The following DCDC2B variants were observed in gnomAD, a reference collection of about 807,000 sequenced individuals.
The protein encoded by DCDC2B is doublecortin domain-containing protein 2B.
A neutral mutation model predicts 38.9 loss-of-function variants in DCDC2B; 41 were observed. The observed-to-expected ratio is 1.05, with a 90% CI of 0.82 to 1.37. The LOEUF (loss-of-function observed/expected upper bound fraction) is 1.37, where lower values mean the gene tolerates loss of function less well. Among genes scored for constraint, DCDC2B ranks in the 40% most tolerant of loss-of-function variants. The pLI is 0.00. For missense variants in DCDC2B, 453 were observed against 427.2 expected, an observed-to-expected ratio of 1.06 and a Z score of -0.53; for synonymous variants, 181 against 171.9, an observed-to-expected ratio of 1.05 and a Z score of -0.41.
rs1477447635 is a variant in DCDC2B, at chr1:32,212,652, G to A, written c.674+16G>A. On this transcript the variant is annotated intron_variant, in intron 5 of 8. Transcript: ENST00000409358. ...GGGGCTGCTGGTATGTATGTGGGAGGTGGAGCGGTAACAGGCCGGGCAGAG... is the reference window on the plus strand; with the variant it reads ...GGGGCTGCTGGTATGTATGTGGGAGATGGAGCGGTAACAGGCCGGGCAGAG... 1 of 1,613,578 alleles carries A rather than the reference G, an allele frequency of 6.2e-7. No individual in the cohort carries two copies. The highest frequency in any genetic ancestry group is 8.5e-7 in the Non-Finnish European group (1 of 1,179,562).
intron 6 of DCDC2B, among the ~76,000 whole-genome samples, chr1:32,213,398 A>G (rs1280748425): frequency 6.8e-6 from 1 of 147,558 alleles, no homozygotes; most frequent in South Asian, 2.1e-4. Flanking sequence ...GTGCAATAGC[A>G]CAATCTCAGC....
rs565688736 is a variant in DCDC2B at position 32,212,533 on chromosome 1, C to A, written c.571C>A (p.Leu191Met). Residue 191 changes from leucine to methionine, a missense_variant, in exon 5 of 9, where the codon CTG (leucine) becomes ATG (methionine). Leu to Met is a conservative substitution (Grantham distance 15). Coordinates refer to ENST00000409358, the MANE Select transcript of DCDC2B (RefSeq NM_001099434.2). ...GCTCCCACTGTCAGCAGGGAAGGAGCTGGTAACTGGCCATTACTATGTGGC... is the reference window on the plus strand; with the variant it reads ...GCTCCCACTGTCAGCAGGGAAGGAGATGGTAACTGGCCATTACTATGTGGC... ...EGLPLSAGKE[L>M]VTGHYYVAVG... The A allele has an allele frequency of 2.2e-5, 36 of 1,614,064 alleles. No homozygotes were observed. In the South Asian group the frequency reaches 3.7e-4, roughly 17 times the overall value.
At chr1:32,212,713 TGCCCTCTGCCCACTACAA>T in intron 5 of DCDC2B, 23 bp from the exon 6 acceptor site, 5 of 1,613,458 alleles carry the variant, frequency 3.1e-6, no homozygotes, top group African/African-American at 1.3e-5. Flanking sequence ...TTTGACTCTA[TGCCCTCTGCCCACTACAA>T]GCCTTTCCTT....
intron 2 of DCDC2B, 119 bp downstream of exon 2, chr1:32,211,442 T>A: frequency 5.9e-6 from 6 of 1,012,376 alleles, no homozygotes; most frequent in Non-Finnish European, 7.3e-6. Flanking sequence ...AGGGGGGTAC[T>A]TTGGAGCCAG....
chr1:32,211,901 G>T, intron 3 of DCDC2B, 64 bp downstream of exon 3: 1 of 1,558,394 alleles, frequency 6.4e-7, no homozygotes, highest in South Asian at 1.2e-5. Flanking sequence ...AGAAAATGGT[G>T]TTGGGTTTGT....
intron 1 of DCDC2B, among the ~76,000 whole-genome samples, chr1:32,210,502 AG>A (rs1309603525): frequency 2.6e-5 from 4 of 151,834 alleles, no homozygotes; most frequent in Non-Finnish European, 4.4e-5. Context: ...TGTCTCAAAA[AG>A]AAAAAAAAAG....
Position 32,215,739 on chromosome 1 carries a change from G to A in DCDC2B, c.955-63G>A, listed in dbSNP as rs1350105210. Reference sequence around the variant, plus strand: ...CTTCCTTGGGGTTGGGGACCTCCTGGCTGAGAGCTGGAGGCTGGCCATACT... The same window carrying A: ...CTTCCTTGGGGTTGGGGACCTCCTGACTGAGAGCTGGAGGCTGGCCATACT... On this transcript the variant is annotated intron_variant, in intron 8 of 8. Transcript: ENST00000409358. 3.7e-6 allele frequency: 5 copies of A among 1,356,876 alleles called. No homozygotes were observed. The African/African-American group carries it at 5.9e-5, about 16-fold the overall frequency. The allele number at this position is 1,356,876 out of a possible 1,614,324, so 84.1% of individuals were successfully genotyped here.
rs1557529532 is a variant in DCDC2B, at chr1:32,211,325, T to C, written c.318+2T>C. Reference sequence around the variant, plus strand: ...GGTGGGAAGAGCTGCAGACTACAAGTGAGTCCCGGGGAACCTGTGCCCCAG... The same window carrying C: ...GGTGGGAAGAGCTGCAGACTACAAGCGAGTCCCGGGGAACCTGTGCCCCAG... On this transcript the variant is annotated splice_donor_variant, in intron 2 of 8. Coordinates refer to ENST00000409358, the MANE Select transcript of DCDC2B (RefSeq NM_001099434.2). LOFTEE classifies it high-confidence loss of function. The C allele has an allele frequency of 6.2e-7, 1 of 1,613,846 alleles. No individual in the cohort carries two copies. Among genetic ancestry groups the C allele is most frequent in the Non-Finnish European group, 8.5e-7 (1 of 1,179,828 alleles).
At chr1:32,210,814 A>G (rs1223422143) in intron 1 of DCDC2B, among the ~76,000 whole-genome samples, 1 of 151,890 alleles carries the variant, frequency 6.6e-6, no homozygotes, top group Non-Finnish European at 1.5e-5. Flanking sequence ...TCCTGAGCTC[A>G]CGCAATCCTC....
chr1:32,216,101 G>A lies in DCDC2B; in HGVS notation c.*204G>A. 1.5e-6 allele frequency: 1 copy of A among 673,566 alleles called. No individual in the cohort carries two copies. The highest frequency in any genetic ancestry group is 2.5e-6 in the Non-Finnish European group (1 of 402,780). 41.7% of individuals were successfully genotyped at this position (673,566 alleles called of 1,614,324 possible). On this transcript the variant is annotated 3_prime_UTR_variant, in exon 9 of 9. Coordinates refer to ENST00000409358, the MANE Select transcript of DCDC2B (RefSeq NM_001099434.2). ...CTGAGCAGAGCAGCCCTGGCTGTGG[G>A]GGCTATTTCCTTATGGGATTCTCTG...
intron 1 of DCDC2B, among the ~76,000 whole-genome samples, chr1:32,210,585 G>A (rs1643544899): frequency 6.6e-6 from 1 of 152,144 alleles, no homozygotes; most frequent in African/African-American, 2.4e-5. Flanking sequence ...TTCCTTGTGT[G>A]ACTTTGGGCA....
At position 32,216,182 on chromosome 1, in the gene DCDC2B, ATACT is replaced by A. The variant is rs1638367029; in HGVS notation, c.*290_*293del. ...GGAGAGGGTTTGTCACAATAAAAGA[ATACT>A]TACTAACCTCTTGTCTGTTTACCAT... is the stretch of plus-strand genomic sequence containing the variant. On this transcript the variant is annotated 3_prime_UTR_variant, in exon 9 of 9. Transcript: ENST00000409358. The A allele has an allele frequency of 1.2e-6, 1 of 817,412 alleles. No individual in the cohort carries two copies. Among genetic ancestry groups the A allele is most frequent in the African/African-American group, 1.7e-5 (1 of 57,914 alleles). 50.6% of individuals were successfully genotyped at this position (817,412 alleles called of 1,614,324 possible). A position where few individuals can be genotyped will look rare whatever the true frequency, so the allele number is the denominator to read the frequency against.
At position 32,215,979 on chromosome 1, in the gene DCDC2B, G is replaced by A. The variant is rs2124218733; in HGVS notation, c.*82G>A. 8.3e-7 allele frequency: 1 copy of A among 1,203,810 alleles called. No homozygotes were observed. The highest frequency in any genetic ancestry group is 2.5e-5 in the East Asian group (1 of 39,306). The allele number at this position is 1,203,810 out of a possible 1,614,324, so 74.6% of individuals were successfully genotyped here. On this transcript the variant is annotated 3_prime_UTR_variant, in exon 9 of 9. Coordinates refer to ENST00000409358, the MANE Select transcript of DCDC2B (RefSeq NM_001099434.2). ...TAGCCTCCAGCAGCTTGTTCCTCAG[G>A]AGCCAGCACCTCCGCTGGGCTCACA...
chr1:32,213,811 C>T (rs1451226700), intron 6 of DCDC2B, among the ~76,000 whole-genome samples: 4 of 152,050 alleles, frequency 2.6e-5, no homozygotes, highest in Non-Finnish European at 4.4e-5. Flanking sequence ...CGCTCAGCCA[C>T]ACCCGGCTAA....
chr1:32,209,258 C>T lies in DCDC2B; in HGVS notation c.165C>T (p.Ala55=). ...TGCAGGCCCCACTGGCTGTGCGTGC[C>T]CTCTACACACCTTGTCATGGCCACC... ...SAVQAPLAVR[A]LYTPCHGHPV... Residue 55 remains alanine (A), a synonymous_variant, in exon 1 of 9, where the codon GCC becomes GCT. Coordinates refer to ENST00000409358, the MANE Select transcript of DCDC2B (RefSeq NM_001099434.2). 3.1e-6 allele frequency: 5 copies of T among 1,613,978 alleles called. No homozygotes were observed. The highest frequency in any genetic ancestry group is 1.1e-5 in the South Asian group (1 of 91,076).
chr1:32,212,497 A>C lies in DCDC2B; in HGVS notation c.535A>C (p.Thr179Pro), dbSNP rs547381127. 3.7e-6 allele frequency: 6 copies of C among 1,613,902 alleles called. No homozygotes were observed. In the East Asian group the frequency reaches 6.7e-5, roughly 18 times the overall value. The change falls in exon 5 of 9, where the codon ACC becomes CCC. Residue 179 changes from threonine (T) to proline (P), a missense_variant. Thr to Pro is a conservative substitution (Grantham distance 38). Coordinates refer to ENST00000409358, the MANE Select transcript of DCDC2B (RefSeq NM_001099434.2). ...LQSGAVCKLC[T>P]LEGLPLSAGK... is the part of the protein sequence containing the mutation. ...CTCACCTCTCTCTCCCAGACTCTGC[A>C]CCCTAGAGGGGCTCCCACTGTCAGC... is the stretch of plus-strand genomic sequence containing the variant.
intron 8 of DCDC2B, 129 bp from the exon 9 acceptor site, chr1:32,215,673 C>T: frequency 9.0e-7 from 1 of 1,107,254 alleles, no homozygotes; most frequent in Non-Finnish European, 1.3e-6. Flanking sequence ...AACTTCCTAC[C>T]TTGTTAAATG....
rs956334317 is a variant in DCDC2B, at chr1:32,216,044, C to T, written c.*147C>T. The T allele has an allele frequency of 1.8e-5, 14 of 761,684 alleles. 1 individual carries two copies. In the South Asian group the frequency reaches 2.1e-4, roughly 11 times the overall value. 47.2% of individuals were successfully genotyped at this position (761,684 alleles called of 1,614,324 possible). ...CTCCTCAGCCCTCCCCGTTCTCCTG[C>T]TCCTAAACCCACAGCCCAGCCTTCC... On this transcript the variant is annotated 3_prime_UTR_variant, in exon 9 of 9. Transcript: ENST00000409358.
chr1:32,212,509 C>A lies in DCDC2B; in HGVS notation c.547C>A (p.Leu183Ile). ...TCCCAGACTCTGCACCCTAGAGGGG[C>A]TCCCACTGTCAGCAGGGAAGGAGCT... Reference protein sequence around the residue: ...AVCKLCTLEGLPLSAGKELVT... With the variant: ...AVCKLCTLEGIPLSAGKELVT... The change falls in exon 5 of 9, where the codon CTC (leucine) becomes ATC (isoleucine). Residue 183 changes from leucine (L) to isoleucine (I), a missense_variant. Physicochemically the swap from Leu to Ile is conservative, Grantham distance 5. Coordinates refer to ENST00000409358, the MANE Select transcript of DCDC2B (RefSeq NM_001099434.2). 6.2e-7 allele frequency: 1 copy of A among 1,614,034 alleles called. No individual in the cohort carries two copies. The highest frequency in any genetic ancestry group is 8.5e-7 in the Non-Finnish European group (1 of 1,179,884).
Sources: gnomAD v4.1 joint callset for allele counts (sites outside exome capture counted in the v4.1 genomes callset) on GRCh38, gnomAD v4.1.1 for gene constraint, MANE v1.5 for transcripts, NCBI Gene and HGNC (gene_info 2026-07-23, HGNC 2026-07-21) for gene names.